CNTNAP2: variants seen among roughly 807,000 people sequenced by gnomAD.
CNTNAP2 encodes the protein contactin associated protein 2.
CNTNAP2 carries 98 observed loss-of-function variants against 155.2 expected under a neutral mutation model. The ratio of observed to expected loss-of-function variants is 0.63; its 90% confidence interval spans 0.54 to 0.75. The LOEUF (loss-of-function observed/expected upper bound fraction) is 0.75, where lower values mean the gene tolerates loss of function less well. CNTNAP2 is among the 30% of genes least tolerant of loss of function. The probability of loss-of-function intolerance (pLI) is 0.00; values close to 1 mark genes in which losing one functional copy is unlikely to be tolerated. For missense variants in CNTNAP2, 1,727 were observed against 1,688.1 expected (o/e 1.02, Z -0.40); for synonymous variants, 651 against 631.2 (o/e 1.03, Z -0.47).
At chr7:147,116,237 A>C (rs1052873805) in intron 5 of CNTNAP2, among the ~76,000 whole-genome samples, 6 of 152,168 alleles carry the variant, frequency 3.9e-5, no homozygotes, top group African/African-American at 1.4e-4. Flanking sequence ...TTGCTGGCCC[A>C]AGTGTGCCTG....
chr7:146,139,305 A>T (rs537497992), intron 1 of CNTNAP2, among the ~76,000 whole-genome samples: 63 of 152,222 alleles, frequency 4.1e-4, no homozygotes, highest in Non-Finnish European at 8.2e-4. Flanking sequence ...GAACCCTTGT[A>T]AGTTAGGGGT....
chr7:147,798,582 G>A (rs2116584707), intron 13 of CNTNAP2, among the ~76,000 whole-genome samples: 1 of 152,194 alleles, frequency 6.6e-6, no homozygotes, highest in South Asian at 2.1e-4. Context: ...AACATTCAGA[G>A]GAAAAACAGA....
intron 1 of CNTNAP2, among the ~76,000 whole-genome samples, chr7:146,342,880 A>G (rs1037183806): frequency 1.3e-5 from 2 of 152,190 alleles, no homozygotes; most frequent in Non-Finnish European, 2.9e-5. Context: ...TCGCTTGGCT[A>G]TTATTTCATA....
In CNTNAP2 at chr7:146,843,206, G is replaced by T. The variant is rs1322233461; in HGVS notation, c.402+3302G>T. Among the ~76,000 whole-genome samples the T allele has an allele frequency of 1.5e-5, 2 of 136,258 alleles. 1 individual carries two copies. The highest frequency in any genetic ancestry group is 6.1e-5 in the African/African-American group (2 of 33,024). The allele number at this position is 136,258 out of a possible 152,430, so 89.4% of individuals were successfully genotyped here. On this transcript the variant is annotated intron_variant, in intron 3 of 23. Coordinates refer to ENST00000361727, the MANE Select transcript of CNTNAP2 (RefSeq NM_014141.6). ...TTTTTGTATTTTTAGTAGAGACGGG[G>T]TTTCACCTTGTTAGCCAGGATGGTC...
chr7:147,544,974 C>T (rs753701707), intron 11 of CNTNAP2, among the ~76,000 whole-genome samples: 1 of 152,084 alleles, frequency 6.6e-6, no homozygotes, highest in South Asian at 2.1e-4. Context: ...TACTCAGTCT[C>T]GAGTTTGTCT....
At chr7:147,455,730 AC>A (rs1001859203) in intron 10 of CNTNAP2, among the ~76,000 whole-genome samples, 6 of 152,160 alleles carry the variant, frequency 3.9e-5, no homozygotes, top group South Asian at 2.1e-4. Context: ...AACAATAACA[AC>A]AACTCAGACC....
rs62471138 is a variant in CNTNAP2 at position 147,998,249 on chromosome 7, T to C, written c.2383+20260T>C. ...GCCTCAGCCTCTCGAGTAGCTGGGATTACAGGCGCCCGCCACCACGTCTGG... is the reference window on the plus strand; with the variant it reads ...GCCTCAGCCTCTCGAGTAGCTGGGACTACAGGCGCCCGCCACCACGTCTGG... On this transcript the variant is annotated intron_variant, in intron 15 of 23. Coordinates refer to ENST00000361727, the MANE Select transcript of CNTNAP2 (RefSeq NM_014141.6). Among the ~76,000 whole-genome samples, 50 of 151,678 alleles carry C rather than the reference T, an allele frequency of 3.3e-4. 1 individual carries two copies. The highest frequency in any genetic ancestry group is 1.2e-3 in the African/African-American group (50 of 41,284).
At chr7:147,176,958 A>T (rs1365821740) in intron 8 of CNTNAP2, among the ~76,000 whole-genome samples, 1 of 134,566 alleles carries the variant, frequency 7.4e-6, no homozygotes, top group Non-Finnish European at 1.5e-5. Context: ...TCTAAATATA[A>T]TTATAATTCT....
intron 14 of CNTNAP2, among the ~76,000 whole-genome samples, chr7:147,974,358 C>T (rs1801389809): frequency 6.6e-6 from 1 of 152,074 alleles, no homozygotes; most frequent in South Asian, 2.1e-4. Context: ...ACCTGTAATC[C>T]CAGCACTTTG....
intron 11 of CNTNAP2, among the ~76,000 whole-genome samples, chr7:147,555,922 C>T (rs1799944173): frequency 6.6e-6 from 1 of 152,216 alleles, no homozygotes; most frequent in Non-Finnish European, 1.5e-5. Context: ...TTAATCGATG[C>T]TTTATTTCCC....
chr7:146,917,596 C>A (rs1362120950), intron 3 of CNTNAP2, among the ~76,000 whole-genome samples: 3 of 151,988 alleles, frequency 2.0e-5, no homozygotes, highest in Non-Finnish European at 2.9e-5. Flanking sequence ...TGGCTGTGCC[C>A]CCACCCACAT....
At chr7:147,848,420 T>G (rs1584987911) in intron 13 of CNTNAP2, among the ~76,000 whole-genome samples, 1 of 151,162 alleles carries the variant, frequency 6.6e-6, no homozygotes, top group East Asian at 2.0e-4. Context: ...CCCCTTGCGC[T>G]TCCCAGGTGA....
chr7:146,639,327 A>G (rs1449659978), intron 1 of CNTNAP2, among the ~76,000 whole-genome samples: 1 of 152,200 alleles, frequency 6.6e-6, no homozygotes, highest in African/African-American at 2.4e-5. Flanking sequence ...GTTCTCTACT[A>G]TAAAGAAAAC....
chr7:147,506,826 C>T (rs942681761), intron 11 of CNTNAP2, among the ~76,000 whole-genome samples: 2 of 152,070 alleles, frequency 1.3e-5, no homozygotes, highest in Admixed American at 6.6e-5. Context: ...GCTCTCTTTA[C>T]GTCTCCAAAT....
At chr7:147,086,846 A>G (rs187041465) in intron 4 of CNTNAP2, among the ~76,000 whole-genome samples, 1 of 152,346 alleles carries the variant, frequency 6.6e-6, no homozygotes, top group Admixed American at 6.5e-5. Context: ...TTAGTATGGT[A>G]TAATTATTGT....
chr7:147,264,385 A>AC (rs1399314744), intron 8 of CNTNAP2, among the ~76,000 whole-genome samples: 1 of 151,846 alleles, frequency 6.6e-6, no homozygotes, highest in Non-Finnish European at 1.5e-5. Context: ...GTGTTTTTAG[A>AC]CCCTCCTCTG....
At chr7:146,254,376 T>C (rs1380659542) in intron 1 of CNTNAP2, among the ~76,000 whole-genome samples, 2 of 152,224 alleles carry the variant, frequency 1.3e-5, no homozygotes, top group Admixed American at 6.5e-5. Flanking sequence ...ATTCTTAGAA[T>C]AGTTCTTGGC....
intron 2 of CNTNAP2, among the ~76,000 whole-genome samples, chr7:146,796,555 A>G (rs140703745): frequency 6.6e-6 from 1 of 152,288 alleles, no homozygotes; most frequent in East Asian, 1.9e-4. Flanking sequence ...AGATATGAAG[A>G]TAAAGAAGAT....
chr7:146,668,428 C>CTGTGTGTGTG (rs573459590), intron 1 of CNTNAP2, among the ~76,000 whole-genome samples: 11 of 115,490 alleles, frequency 9.5e-5, no homozygotes, highest in African/African-American at 2.7e-4. Flanking sequence ...TGTAATTTTC[C>CTGTGTGTGTG]TGTGTGTGTG....
Sources: gnomAD v4.1 joint callset for allele counts (sites outside exome capture counted in the v4.1 genomes callset) on GRCh38, gnomAD v4.1.1 for gene constraint, MANE v1.5 for transcripts, NCBI Gene and HGNC (gene_info 2026-07-23, HGNC 2026-07-21) for gene names.